CTNNA3: variants seen among roughly 807,000 people sequenced by gnomAD.
CTNNA3 encodes catenin alpha-3.
In CTNNA3, 76 loss-of-function variants were observed where a neutral mutation model predicts 95.7. That is an observed-to-expected ratio of 0.79 (90% CI 0.66 to 0.96). The LOEUF is 0.96. Among genes scored for constraint, CTNNA3 ranks in the 40% least tolerant of loss-of-function variants. The pLI is 0.00. For missense variants in CTNNA3, 1,191 were observed against 1,089.8 expected (o/e 1.09, Z -1.31); for synonymous variants, 431 against 374.4 (o/e 1.15, Z -1.74).
intron 5 of CTNNA3, among the ~76,000 whole-genome samples, chr10:67,234,161 T>C (rs1865348770): frequency 1.3e-5 from 2 of 152,306 alleles, no homozygotes; most frequent in Non-Finnish European, 2.9e-5. Context: ...TAACTCATTT[T>C]ATGAGGCCAG....
intron 15 of CTNNA3, among the ~76,000 whole-genome samples, chr10:65,989,833 G>T (rs2078502843): frequency 6.6e-6 from 1 of 151,846 alleles, no homozygotes; most frequent in African/African-American, 2.4e-5. Context: ...CTGTATGTTT[G>T]CTCCCATTAA....
At chr10:66,032,823 A>T (rs945632613) in intron 15 of CTNNA3, among the ~76,000 whole-genome samples, 1 of 152,214 alleles carries the variant, frequency 6.6e-6, no homozygotes, top group Non-Finnish European at 1.5e-5. Context: ...TTGATAAGGC[A>T]TATTCATGTA....
rs200207178 is a variant in CTNNA3 at position 66,413,613 on chromosome 10, A to AAG, written c.1532-34263_1532-34262dup. ...GTTGGTACAAGCAATAGAGCTTGAA[A>AAG]AGGTATTTTCTTGTGTCTTAATACC... On this transcript the variant is annotated intron_variant, in intron 11 of 17. Coordinates refer to ENST00000433211, the MANE Select transcript of CTNNA3 (RefSeq NM_013266.4). Among the ~76,000 whole-genome samples the AAG allele has an allele frequency of 4.2e-3, 644 of 152,322 alleles. 11 individuals carry two copies. Among genetic ancestry groups the AAG allele is most frequent in the East Asian group, 0.022 (113 of 5,192 alleles).
At chr10:66,866,379 T>G (rs1372580407) in intron 7 of CTNNA3, among the ~76,000 whole-genome samples, 1 of 152,216 alleles carries the variant, frequency 6.6e-6, no homozygotes, top group Non-Finnish European at 1.5e-5. Context: ...CCACTAGAGC[T>G]TAGAATGTTG....
intron 7 of CTNNA3, among the ~76,000 whole-genome samples, chr10:67,056,485 G>A (rs1855438406): frequency 6.6e-6 from 1 of 152,034 alleles, no homozygotes; most frequent in Admixed American, 6.6e-5. Context: ...TAAGCTTCAG[G>A]CTTGTGAAAC....
intron 11 of CTNNA3, among the ~76,000 whole-genome samples, chr10:66,459,167 T>C (rs2093512595): frequency 6.6e-6 from 1 of 152,178 alleles, no homozygotes; most frequent in African/African-American, 2.4e-5. Context: ...ATTTAATGAA[T>C]AGTACATATA....
intron 16 of CTNNA3, among the ~76,000 whole-genome samples, chr10:65,978,130 C>G (rs958797517): frequency 3.3e-5 from 5 of 151,948 alleles, no homozygotes; most frequent in African/African-American, 1.2e-4. Context: ...CTTCTATAAT[C>G]CCATGTCTCC....
At position 67,139,012 on chromosome 10, in the gene CTNNA3, CTT is replaced by C. The variant is rs570257683; in HGVS notation, c.1047+41303_1047+41304del. Among the ~76,000 whole-genome samples, 38 of 152,150 alleles carry C rather than the reference CTT, an allele frequency of 2.5e-4. 2 individuals carry two copies. In the East Asian group the frequency reaches 6.8e-3, roughly 27 times the overall value. ...TATAAATACAAAATAAAATCATACTCTTAAAGATTTTCAGGTACAATAAAAAA... is the reference window on the plus strand; with the variant it reads ...TATAAATACAAAATAAAATCATACTCAAAGATTTTCAGGTACAATAAAAAA... On this transcript the variant is annotated intron_variant, in intron 7 of 17. Transcript: ENST00000433211.
intron 15 of CTNNA3, among the ~76,000 whole-genome samples, chr10:66,037,538 A>C (rs2079591836): frequency 6.6e-6 from 1 of 152,238 alleles, no homozygotes; most frequent in African/African-American, 2.4e-5. Flanking sequence ...ATAAAATTTA[A>C]ATCTAAACAC....
chr10:67,636,714 G>T (rs745904167), intron 2 of CTNNA3, among the ~76,000 whole-genome samples: 1 of 152,048 alleles, frequency 6.6e-6, no homozygotes, highest in South Asian at 2.1e-4. Flanking sequence ...ACCAATATTC[G>T]CTGTTCTGCA....
At chr10:67,401,121 C>T (rs1224415970) in intron 5 of CTNNA3, among the ~76,000 whole-genome samples, 1 of 152,112 alleles carries the variant, frequency 6.6e-6, no homozygotes, top group East Asian at 1.9e-4. Flanking sequence ...TCCCCTTCCA[C>T]CTCCCACCAC....
chr10:67,472,621 C>T (rs1395087031), intron 5 of CTNNA3, among the ~76,000 whole-genome samples: 2 of 152,168 alleles, frequency 1.3e-5, no homozygotes, highest in African/African-American at 2.4e-5. Flanking sequence ...TCCCAGAAAA[C>T]TCATGCATAA....
intron 7 of CTNNA3, among the ~76,000 whole-genome samples, chr10:67,079,543 T>C (rs1222744126): frequency 6.6e-6 from 1 of 152,056 alleles, no homozygotes; most frequent in Non-Finnish European, 1.5e-5. Flanking sequence ...ATTAGGAAGA[T>C]AAAACATAAC....
At chr10:65,931,061 G>T (rs1271189709) in intron 17 of CTNNA3, among the ~76,000 whole-genome samples, 2 of 151,934 alleles carry the variant, frequency 1.3e-5, no homozygotes, top group African/African-American at 2.4e-5. Flanking sequence ...TTTCCTTCAT[G>T]ACCCAGATTT....
intron 7 of CTNNA3, among the ~76,000 whole-genome samples, chr10:66,929,809 T>G (rs12219173): frequency 0.019 from 2,839 of 152,326 alleles, 101 homozygotes; most frequent in East Asian, 0.18. Flanking sequence ...ACGAATATCA[T>G]AGCTTCCATA....
chr10:66,255,237 T>A (rs1054807176), intron 13 of CTNNA3, among the ~76,000 whole-genome samples: 6 of 152,142 alleles, frequency 3.9e-5, no homozygotes, highest in Non-Finnish European at 8.8e-5. Flanking sequence ...CCTCTATCCA[T>A]GGTAGGCACC....
At chr10:67,198,679 C>A (rs1350531645) in intron 6 of CTNNA3, among the ~76,000 whole-genome samples, 1 of 152,124 alleles carries the variant, frequency 6.6e-6, no homozygotes, top group Non-Finnish European at 1.5e-5. Flanking sequence ...GGTGTCGATG[C>A]AAGACTGAAA....
At chr10:66,593,074 G>A (rs1329894988) in intron 10 of CTNNA3, among the ~76,000 whole-genome samples, 2 of 152,070 alleles carry the variant, frequency 1.3e-5, no homozygotes, top group African/African-American at 2.4e-5. Flanking sequence ...GCCATATTAT[G>A]GAATAAAACA....
chr10:67,579,265 C>T (rs182664965), intron 3 of CTNNA3, among the ~76,000 whole-genome samples: 35 of 139,936 alleles, frequency 2.5e-4, no homozygotes, highest in East Asian at 4.4e-4. Flanking sequence ...CAAGTGTTCT[C>T]GTTGTTCAAT....
Sources: gnomAD v4.1 joint callset for allele counts (sites outside exome capture counted in the v4.1 genomes callset) on GRCh38, gnomAD v4.1.1 for gene constraint, MANE v1.5 for transcripts, NCBI Gene and HGNC (gene_info 2026-07-23, HGNC 2026-07-21) for gene names.